Variants in KIF3A observed in about 807,000 individuals in gnomAD.
KIF3A encodes the protein kinesin family member 3A.
A neutral mutation model predicts 92.6 loss-of-function variants in KIF3A; 27 were observed. The ratio of observed to expected loss-of-function variants is 0.29; its 90% CI spans 0.21 to 0.40. The LOEUF is 0.40. Among genes scored for constraint, KIF3A ranks in the 10% least tolerant of loss-of-function variants. The pLI is 1.00. For missense variants in KIF3A, 581 were observed against 872.6 expected (o/e 0.67, Z 4.21); for synonymous variants, 250 against 275.4 (o/e 0.91, Z 0.92).
Position 132,696,379 on chromosome 5 carries a change from C to T in KIF3A, c.*255G>A, listed in dbSNP as rs1752837487. 6.0e-6 allele frequency: 2 copies of T among 334,746 alleles called. No individual in the cohort carries two copies. Among genetic ancestry groups the T allele is most frequent in the South Asian group, 8.1e-5 (1 of 12,324 alleles). The allele number at this position is 334,746 out of a possible 1,614,324, so 20.7% of individuals were successfully genotyped here. On this transcript the variant is annotated 3_prime_UTR_variant, in exon 19 of 19. Transcript: ENST00000403231. The stretch of plus-strand genomic sequence containing the variant: ...TAACTCTCTATAGTATGAACTGTTC[C>T]CCCAACTTCCCTGCACAGTACAATT...
Position 132,703,625 on chromosome 5 carries a change from T to C in KIF3A, c.1310-6A>G, listed in dbSNP as rs1329639398. The C allele has an allele frequency of 1.3e-6, 2 of 1,590,430 alleles. No homozygotes were observed. The highest frequency in any genetic ancestry group is 1.7e-6 in the Non-Finnish European group (2 of 1,169,222). ...TGGGGAGACTTTCTTTTTTCCTATTTGAATCATTTAATTGCAACAATCACT... is the reference window on the plus strand; with the variant it reads ...TGGGGAGACTTTCTTTTTTCCTATTCGAATCATTTAATTGCAACAATCACT... On this transcript the variant is annotated splice_region_variant and splice_polypyrimidine_tract_variant and intron_variant, in intron 11 of 18. Coordinates refer to ENST00000403231, the MANE Select transcript of KIF3A (RefSeq NM_001300791.2).
At chr5:132,704,721 C>T (rs1386906974) in intron 11 of KIF3A, among the ~76,000 whole-genome samples, 1 of 151,872 alleles carries the variant, frequency 6.6e-6, no homozygotes, top group African/African-American at 2.4e-5. Context: ...TTCTTAACTT[C>T]CTTCCCAAAG....
At chr5:132,714,496 C>T (rs989413547) in intron 8 of KIF3A, among the ~76,000 whole-genome samples, 4 of 152,136 alleles carry the variant, frequency 2.6e-5, no homozygotes, top group Admixed American at 1.3e-4. Context: ...GAACCTTCAA[C>T]GTTCTGTTAA....
At chr5:132,728,181 T>C (rs2149918658) in intron 2 of KIF3A, among the ~76,000 whole-genome samples, 1 of 152,256 alleles carries the variant, frequency 6.6e-6, no homozygotes, top group Admixed American at 6.5e-5. Context: ...GATCATTTGC[T>C]ATGTGCTAGG....
In KIF3A at chr5:132,716,988, TAATA is replaced by T. The variant is rs1169123380; in HGVS notation, c.617-8_617-5del. On this transcript the variant is annotated splice_polypyrimidine_tract_variant and splice_region_variant and intron_variant, in intron 5 of 18. Coordinates refer to ENST00000403231, the MANE Select transcript of KIF3A (RefSeq NM_001300791.2). ...ATATTAGTTGCACCAACAGAACCTTTAATAAATAAACGAAATCCTTTAAAAGTGT... is the reference window on the plus strand; with the variant it reads ...ATATTAGTTGCACCAACAGAACCTTTAATAAACGAAATCCTTTAAAAGTGT... 6.2e-7 allele frequency: 1 copy of T among 1,611,866 alleles called. No individual in the cohort carries two copies. Among genetic ancestry groups the T allele is most frequent in the Non-Finnish European group, 8.5e-7 (1 of 1,178,998 alleles).
intron 1 of KIF3A, among the ~76,000 whole-genome samples, chr5:132,735,608 C>G (rs1250484776): frequency 2.0e-5 from 3 of 152,204 alleles, no homozygotes; most frequent in Non-Finnish European, 2.9e-5. Flanking sequence ...CTATTCCTCT[C>G]ATCTATTCAT....
rs966281110 is a variant in KIF3A, at chr5:132,694,325, T to C, written c.*2309A>G. 4 of 152,106 alleles carry C rather than the reference T, an allele frequency of 2.6e-5. No homozygotes were observed. Among genetic ancestry groups the C allele is most frequent in the African/African-American group, 9.7e-5 (4 of 41,392 alleles). 9.4% of individuals were successfully genotyped at this position (152,106 alleles called of 1,614,324 possible). A position where few individuals can be genotyped will look rare whatever the true frequency, so the allele number is the denominator to read the frequency against. ...GAGGCTGAAGAGACAGAGGTTACAGTGAGCCGAGATTGTCCCACTGCACTC... is the reference window on the plus strand; with the variant it reads ...GAGGCTGAAGAGACAGAGGTTACAGCGAGCCGAGATTGTCCCACTGCACTC... On this transcript the variant is annotated 3_prime_UTR_variant, in exon 19 of 19. Coordinates refer to ENST00000403231, the MANE Select transcript of KIF3A (RefSeq NM_001300791.2).
In KIF3A at chr5:132,703,122, A is replaced by T. The variant is rs1301476070; in HGVS notation, c.1467-57T>A. On this transcript the variant is annotated intron_variant, in intron 12 of 18. Transcript: ENST00000403231. ...ACTGATGATCTATTATTCTACTAATATCATTTCCCAAAATTTAAAATTTGG... is the reference window on the plus strand; with the variant it reads ...ACTGATGATCTATTATTCTACTAATTTCATTTCCCAAAATTTAAAATTTGG... 5 of 1,425,950 alleles carry T rather than the reference A, an allele frequency of 3.5e-6. No homozygotes were observed. The East Asian group carries it at 9.5e-5, about 27-fold the overall frequency. The allele number at this position is 1,425,950 out of a possible 1,614,324, so 88.3% of individuals were successfully genotyped here. A position where few individuals can be genotyped will look rare whatever the true frequency, so the allele number is the denominator to read the frequency against.
At position 132,726,562 on chromosome 5, in the gene KIF3A, A is replaced by T. The variant is rs141113628; in HGVS notation, c.281-64T>A. On this transcript the variant is annotated intron_variant, in intron 2 of 18. Coordinates refer to ENST00000403231, the MANE Select transcript of KIF3A (RefSeq NM_001300791.2). Reference sequence around the variant, plus strand: ...TAATGCTACAGAACAATAGCTCTTAAAATTAATTCCTTTGACACTGTGATG... The same window carrying T: ...TAATGCTACAGAACAATAGCTCTTATAATTAATTCCTTTGACACTGTGATG... 1,288 of 1,406,890 alleles carry T rather than the reference A, an allele frequency of 9.2e-4. 14 individuals carry two copies. In the African/African-American group the frequency reaches 0.013, roughly 14 times the overall value. 87.2% of individuals were successfully genotyped at this position (1,406,890 alleles called of 1,614,324 possible).
intron 8 of KIF3A, among the ~76,000 whole-genome samples, chr5:132,711,344 C>A (rs1753416307): frequency 6.6e-6 from 1 of 152,196 alleles, no homozygotes. Flanking sequence ...GTAATCCCAG[C>A]ACTTTAAGAG....
chr5:132,711,724 G>A (rs1455528943), intron 8 of KIF3A, among the ~76,000 whole-genome samples: 1 of 152,006 alleles, frequency 6.6e-6, no homozygotes, highest in African/African-American at 2.4e-5. Context: ...TTCTAAAACA[G>A]CTTCCTGTTT....
At chr5:132,728,413 CTATT>C (rs924968847) in intron 2 of KIF3A, among the ~76,000 whole-genome samples, 2 of 152,084 alleles carry the variant, frequency 1.3e-5, no homozygotes, top group Admixed American at 1.3e-4. Context: ...AAAATAGGCA[CTATT>C]TATTATTATT....
chr5:132,729,303 T>A (rs1754144977), intron 2 of KIF3A, among the ~76,000 whole-genome samples: 1 of 151,898 alleles, frequency 6.6e-6, no homozygotes, highest in Admixed American at 6.6e-5. Flanking sequence ...TAAAAAAAAA[T>A]TAGCCAGACA....
At chr5:132,725,294 C>A (rs1394874857) in intron 4 of KIF3A, among the ~76,000 whole-genome samples, 3 of 152,034 alleles carry the variant, frequency 2.0e-5, no homozygotes, top group Admixed American at 6.6e-5. Context: ...CAATCCTTAA[C>A]ACTGTAATAC....
chr5:132,724,449 A>T (rs1753932977), intron 4 of KIF3A, among the ~76,000 whole-genome samples: 1 of 152,178 alleles, frequency 6.6e-6, no homozygotes, highest in South Asian at 2.1e-4. Flanking sequence ...TACACCATGG[A>T]ATACTATGCA....
At chr5:132,732,253 T>C (rs1359389400) in intron 2 of KIF3A, among the ~76,000 whole-genome samples, 1 of 152,166 alleles carries the variant, frequency 6.6e-6, no homozygotes, top group Non-Finnish European at 1.5e-5. Flanking sequence ...GTAGAAAAGT[T>C]TGGCAGCTCC....
chr5:132,721,724 A>C (rs1336350736), intron 4 of KIF3A: 2 of 151,866 alleles, frequency 1.3e-5, no homozygotes, highest in Non-Finnish European at 2.9e-5. Flanking sequence ...TAGTAAAAAA[A>C]AAAAAAGTAT....
At chr5:132,728,573 C>A (rs888364987) in intron 2 of KIF3A, among the ~76,000 whole-genome samples, 1 of 151,970 alleles carries the variant, frequency 6.6e-6, no homozygotes, top group Non-Finnish European at 1.5e-5. Context: ...TCCACCTCTA[C>A]TAAAAATACA....
Position 132,716,237 on chromosome 5 carries a change from A to AC in KIF3A, c.954+7_954+8insG, listed in dbSNP as rs757832277. The AC allele has an allele frequency of 6.2e-7, 1 of 1,603,718 alleles. No individual in the cohort carries two copies. The highest frequency in any genetic ancestry group is 1.1e-5 in the South Asian group (1 of 90,686). On this transcript the variant is annotated splice_region_variant and intron_variant, in intron 7 of 18. Transcript: ENST00000403231. ...CTGATGTTAACTATATCACCAATTA[A>AC]GTCTTACCATCATGGTTTTTGAATT...
Sources: allele counts gnomAD v4.1 joint callset (sites outside exome capture counted in the v4.1 genomes callset), GRCh38; gene constraint gnomAD v4.1.1; transcripts MANE v1.5; gene names NCBI Gene and HGNC (gene_info 2026-07-23, HGNC 2026-07-21).